CSMD1: variants seen among roughly 807,000 people sequenced by gnomAD.
CSMD1 encodes the protein CUB and sushi domain-containing protein 1.
A neutral mutation model predicts 417.5 loss-of-function variants in CSMD1; 213 were observed. The ratio of observed to expected loss-of-function variants is 0.51; its 90% CI spans 0.46 to 0.57. CSMD1 has a LOEUF of 0.57. CSMD1 is among the 20% of genes least tolerant of loss of function. The pLI is 0.00. For synonymous variants in CSMD1, 2,862 were observed against 1,736.8 expected, an observed-to-expected ratio of 1.65 and a Z score of -16.11; for missense variants, 6,923 against 4,529.7, an observed-to-expected ratio of 1.53 and a Z score of -15.17.
chr8:3,230,339 G>A, intron 26 of CSMD1, 108 bp from the exon 27 acceptor site: 1 of 797,878 alleles, frequency 1.3e-6, no homozygotes, highest in Non-Finnish European at 1.9e-6. Context: ...GGCCTAATAA[G>A]TCATTTGTCT....
At chr8:4,203,965 G>C (rs1799823003) in intron 3 of CSMD1, among the ~76,000 whole-genome samples, 1 of 152,020 alleles carries the variant, frequency 6.6e-6, no homozygotes, top group South Asian at 2.1e-4. Context: ...GCCAGGTGTG[G>C]TGGTGCACGC....
intron 5 of CSMD1, among the ~76,000 whole-genome samples, chr8:3,978,867 T>A (rs995759746): frequency 6.6e-6 from 1 of 152,138 alleles, no homozygotes; most frequent in Admixed American, 6.5e-5. Flanking sequence ...CCCATTAGGT[T>A]TAATGAAAGG....
At chr8:4,454,903 C>T (rs1336201307) in intron 2 of CSMD1, among the ~76,000 whole-genome samples, 12 of 152,104 alleles carry the variant, frequency 7.9e-5, no homozygotes, top group African/African-American at 2.4e-5. Flanking sequence ...CCTACAGAAA[C>T]TGAAGTCTTA....
chr8:3,842,360 CACT>C lies in CSMD1; in HGVS notation c.819-88321_819-88319del, dbSNP rs546863588. ...AGGTTTTAGATACCCATATCAATAC[CACT>C]AATAATGTATACTTAAACAAAAATC... On this transcript the variant is annotated intron_variant, in intron 5 of 69. Coordinates refer to ENST00000635120, the MANE Select transcript of CSMD1 (RefSeq NM_033225.6). Among the ~76,000 whole-genome samples, 73 of 152,156 alleles carry C rather than the reference CACT, an allele frequency of 4.8e-4. 1 individual carries two copies. The highest frequency in any genetic ancestry group is 6.8e-3 in the Middle Eastern group (2 of 294).
intron 10 of CSMD1, among the ~76,000 whole-genome samples, chr8:3,507,883 G>A (rs190367862): frequency 1.6e-4 from 24 of 152,050 alleles, no homozygotes; most frequent in African/African-American, 5.5e-4. Flanking sequence ...ATTTGTTTGA[G>A]TTCATTGTAG....
At chr8:4,541,263 C>G (rs572357280) in intron 2 of CSMD1, among the ~76,000 whole-genome samples, 1 of 152,214 alleles carries the variant, frequency 6.6e-6, no homozygotes, top group Non-Finnish European at 1.5e-5. Context: ...CAGTTCGTCT[C>G]TCTCATCCCC....
At chr8:3,211,471 T>C (rs1389887034) in intron 30 of CSMD1, among the ~76,000 whole-genome samples, 2 of 152,222 alleles carry the variant, frequency 1.3e-5, no homozygotes, top group Non-Finnish European at 2.9e-5. Flanking sequence ...GTTATATTGA[T>C]TGGATGTCAG....
rs565704623 is a variant in CSMD1 at position 4,382,828 on chromosome 8, T to C, written c.415+37125A>G. Reference sequence around the variant, plus strand: ...ATGCATTAAACCAATATCATTACATTGTGACAACGACCTTACACATTTTGC... The same window carrying C: ...ATGCATTAAACCAATATCATTACATCGTGACAACGACCTTACACATTTTGC... On this transcript the variant is annotated intron_variant, in intron 3 of 69. Coordinates refer to ENST00000635120, the MANE Select transcript of CSMD1 (RefSeq NM_033225.6). 2.0e-5 allele frequency among the ~76,000 whole-genome samples: 3 copies of C among 152,320 alleles called. No individual in the cohort carries two copies. The East Asian group carries it at 5.8e-4, about 29-fold the overall frequency.
chr8:3,658,758 G>A (rs114737358), intron 7 of CSMD1, among the ~76,000 whole-genome samples: 1 of 152,050 alleles, frequency 6.6e-6, no homozygotes, highest in Non-Finnish European at 1.5e-5. Context: ...ACTTCAGCCT[G>A]GGTGACAAAG....
intron 26 of CSMD1, among the ~76,000 whole-genome samples, chr8:3,267,865 C>A (rs1465905990): frequency 1.3e-5 from 2 of 152,016 alleles, no homozygotes; most frequent in African/African-American, 4.8e-5. Flanking sequence ...CCTGGCAGGG[C>A]CATAGGGACC....
chr8:3,553,689 G>C (rs1188462439), intron 10 of CSMD1, among the ~76,000 whole-genome samples: 1 of 152,168 alleles, frequency 6.6e-6, no homozygotes, highest in East Asian at 1.9e-4. Context: ...ACCAATTTTA[G>C]TAGGTCCATA....
intron 5 of CSMD1, among the ~76,000 whole-genome samples, chr8:3,806,512 G>A (rs1268013563): frequency 1.3e-5 from 2 of 152,092 alleles, no homozygotes; most frequent in African/African-American, 4.8e-5. Context: ...GAGCCACGGT[G>A]CTCTGTGCTT....
chr8:3,708,733 G>T (rs1170402914), intron 6 of CSMD1, among the ~76,000 whole-genome samples: 1 of 152,158 alleles, frequency 6.6e-6, no homozygotes, highest in African/African-American at 2.4e-5. Flanking sequence ...AATAATACGT[G>T]CTGCCACTGA....
chr8:4,666,165 A>C (rs142930357), intron 1 of CSMD1, among the ~76,000 whole-genome samples: 1 of 152,144 alleles, frequency 6.6e-6, no homozygotes, highest in Non-Finnish European at 1.5e-5. Context: ...TGGGATGCAG[A>C]ATAATGACCT....
chr8:4,306,226 A>C (rs1446128589), intron 3 of CSMD1, among the ~76,000 whole-genome samples: 2 of 152,194 alleles, frequency 1.3e-5, no homozygotes, highest in Non-Finnish European at 2.9e-5. Flanking sequence ...AGTTCTTCCA[A>C]AATATCACGA....
At chr8:3,688,515 A>T (rs1585078252) in intron 7 of CSMD1, among the ~76,000 whole-genome samples, 1 of 152,172 alleles carries the variant, frequency 6.6e-6, no homozygotes, top group East Asian at 1.9e-4. Flanking sequence ...ATGAAAAGTT[A>T]CTCTTTATCA....
At chr8:4,800,273 T>C (rs892780504) in intron 1 of CSMD1, among the ~76,000 whole-genome samples, 6 of 151,508 alleles carry the variant, frequency 4.0e-5, no homozygotes, top group Non-Finnish European at 7.4e-5. Context: ...CAACTAAAAA[T>C]ACAAAAAATT....
intron 3 of CSMD1, among the ~76,000 whole-genome samples, chr8:4,389,941 A>T (rs1036016372): frequency 6.6e-6 from 1 of 152,182 alleles, no homozygotes; most frequent in East Asian, 1.9e-4. Flanking sequence ...AGCTCTGTGT[A>T]TGTCCTATGA....
chr8:4,011,755 G>C (rs1410104461), intron 4 of CSMD1, among the ~76,000 whole-genome samples: 1 of 152,046 alleles, frequency 6.6e-6, no homozygotes, highest in Non-Finnish European at 1.5e-5. Flanking sequence ...TTTTCTCCCA[G>C]TGGTTACATC....
Sources: gnomAD v4.1 joint callset for allele counts (sites outside exome capture counted in the v4.1 genomes callset) on GRCh38, gnomAD v4.1.1 for gene constraint, MANE v1.5 for transcripts, NCBI Gene and HGNC (gene_info 2026-07-23, HGNC 2026-07-21) for gene names.